Variants in USP8 observed in about 807,000 individuals in gnomAD.
The protein encoded by USP8 is ubiquitin carboxyl-terminal hydrolase 8.
USP8 carries 27 observed loss-of-function variants against 130.0 expected under a neutral mutation model. The ratio of observed to expected loss-of-function variants is 0.21; its 90% CI spans 0.15 to 0.29. The LOEUF is 0.29. Ranked by LOEUF, USP8 falls within the 10% of genes least tolerant of loss-of-function variation. USP8 has a pLI of 1.00. For missense variants in USP8, 1,029 were observed against 1,312.2 expected, an observed-to-expected ratio of 0.78 and a Z score of 3.33; for synonymous variants, 392 against 444.1, an observed-to-expected ratio of 0.88 and a Z score of 1.48.
At chr15:50,496,584 A>AAGAT (rs1283687388) in intron 17 of USP8, among the ~76,000 whole-genome samples, 3 of 152,142 alleles carry the variant, frequency 2.0e-5, no homozygotes, top group African/African-American at 7.2e-5. Flanking sequence ...TTCTTTTTTA[A>AAGAT]AGATACCTTT....
At chr15:50,451,844 G>A (rs2050637820) in intron 4 of USP8, among the ~76,000 whole-genome samples, 1 of 152,234 alleles carries the variant, frequency 6.6e-6, no homozygotes, top group African/African-American at 2.4e-5. Flanking sequence ...GTCTGAGAAT[G>A]GGCATGAGGG....
At position 50,508,408 on chromosome 15, in the gene USP8, G is replaced by A. The variant is rs899373558; in HGVS notation, c.*9320G>A. 6.6e-6 allele frequency: 1 copy of A among 152,152 alleles called. No homozygotes were observed. The highest frequency in any genetic ancestry group is 1.5e-5 in the Non-Finnish European group (1 of 68,028). The allele number at this position is 152,152 out of a possible 1,614,324, so 9.4% of individuals were successfully genotyped here. A position where few individuals can be genotyped will look rare whatever the true frequency, so the allele number is the denominator to read the frequency against. ...TGCTTCAGCAAGCTAGTTGATGGATGCATGGCGGTTTGTTATGCTGTCCAA... is the reference window on the plus strand; with the variant it reads ...TGCTTCAGCAAGCTAGTTGATGGATACATGGCGGTTTGTTATGCTGTCCAA... On this transcript the variant is annotated 3_prime_UTR_variant, in exon 20 of 20. Transcript: ENST00000307179.
At position 50,471,925 on chromosome 15, in the gene USP8, G is replaced by C. The variant is rs1003111156; in HGVS notation, c.849+130G>C. ...GCCTTTTTTTTTTTTTTTTGAGACT[G>C]AGTCTCACTCTGTTGCCCAAGCTAG... is the stretch of plus-strand genomic sequence containing the variant. On this transcript the variant is annotated intron_variant, in intron 8 of 19. Coordinates refer to ENST00000307179, the MANE Select transcript of USP8 (RefSeq NM_005154.5). The C allele has an allele frequency of 1.3e-5, 12 of 954,292 alleles. No individual in the cohort carries two copies. In the African/African-American group the frequency reaches 2.0e-4, roughly 16 times the overall value. The allele number at this position is 954,292 out of a possible 1,614,324, so 59.1% of individuals were successfully genotyped here.
rs2052717144 is a variant in USP8, at chr15:50,510,046, TAATTTAATA to T, written c.*10968_*10976del. 1 of 152,070 alleles carries T rather than the reference TAATTTAATA, an allele frequency of 6.6e-6. No homozygotes were observed. The highest frequency in any genetic ancestry group is 2.4e-5 in the African/African-American group (1 of 41,450). The allele number at this position is 152,070 out of a possible 1,614,324, so 9.4% of individuals were successfully genotyped here. On this transcript the variant is annotated 3_prime_UTR_variant, in exon 20 of 20. Coordinates refer to ENST00000307179, the MANE Select transcript of USP8 (RefSeq NM_005154.5). ...GCTAAATTAAGAATTAATTCAATATTAATTTAATAAATTTAATATTTTATAGCTATAATT... is the reference window on the plus strand; with the variant it reads ...GCTAAATTAAGAATTAATTCAATATTAATTTAATATTTTATAGCTATAATT...
At chr15:50,455,249 T>C (rs1345484280) in intron 4 of USP8, among the ~76,000 whole-genome samples, 1 of 151,084 alleles carries the variant, frequency 6.6e-6, no homozygotes, top group African/African-American at 2.4e-5. Flanking sequence ...TTAGTTTTTT[T>C]GTGTTTTTTT....
chr15:50,500,918 G>T lies in USP8; in HGVS notation c.*1830G>T. ...AACAGAAATGATAGGGCCAAGAGAT[G>T]CTTTTTAAATTGTCCCTTATTCTAA... On this transcript the variant is annotated 3_prime_UTR_variant, in exon 20 of 20. Transcript: ENST00000307179. 1.7e-6 allele frequency: 2 copies of T among 1,179,922 alleles called. No homozygotes were observed. The highest frequency in any genetic ancestry group is 1.3e-5 in the South Asian group (1 of 75,622). The allele number at this position is 1,179,922 out of a possible 1,614,324, so 73.1% of individuals were successfully genotyped here.
At chr15:50,447,672 C>T (rs952542303) in intron 3 of USP8, among the ~76,000 whole-genome samples, 9 of 152,182 alleles carry the variant, frequency 5.9e-5, no homozygotes, top group Non-Finnish European at 1.3e-4. Context: ...AGGTGATTCT[C>T]CTGCCTCAGC....
intron 3 of USP8, among the ~76,000 whole-genome samples, chr15:50,445,568 A>AAAAAAAAAAAAAC (rs1248390470): frequency 8.9e-6 from 1 of 112,788 alleles, no homozygotes; most frequent in Non-Finnish European, 1.8e-5. Context: ...AAAAAAAAAA[A>AAAAAAAAAAAAAC]AGCCTGGGCA....
At chr15:50,448,263 AG>A (rs1283976430) in intron 3 of USP8, among the ~76,000 whole-genome samples, 2 of 152,182 alleles carry the variant, frequency 1.3e-5, no homozygotes, top group Non-Finnish European at 2.9e-5. Flanking sequence ...CTGTGCTAGT[AG>A]GCTCTATTTG....
At position 50,471,702 on chromosome 15, in the gene USP8, T is replaced by C. The variant is rs777087941; in HGVS notation, c.756T>C (p.Asn252=). Residue 252 remains asparagine (N), a synonymous_variant, in exon 8 of 20, where the codon AAT becomes AAC. Transcript: ENST00000307179. ...DSKDTWKKRG[N]VEYVVLLDWF... ...AAGACACATGGAAGAAGAGGGGGAA[T>C]GTGGAGTATGTGGTACTTCTTGACT... is the stretch of plus-strand genomic sequence containing the variant. The C allele has an allele frequency of 9.3e-6, 15 of 1,614,048 alleles. No individual in the cohort carries two copies. Among genetic ancestry groups the C allele is most frequent in the Non-Finnish European group, 8.5e-6 (10 of 1,179,986 alleles).
Position 50,504,097 on chromosome 15 carries a change from TACA to T in USP8, c.*5014_*5016del, listed in dbSNP as rs1248238104. 1 of 152,132 alleles carries T rather than the reference TACA, an allele frequency of 6.6e-6. No homozygotes were observed. Among genetic ancestry groups the T allele is most frequent in the East Asian group, 1.9e-4 (1 of 5,202 alleles). The allele number at this position is 152,132 out of a possible 1,614,324, so 9.4% of individuals were successfully genotyped here. On this transcript the variant is annotated 3_prime_UTR_variant, in exon 20 of 20. Coordinates refer to ENST00000307179, the MANE Select transcript of USP8 (RefSeq NM_005154.5). Reference sequence around the variant, plus strand: ...TGATGGGAAAGATTTGAAAAAATAATACAACAATAAAAATATACATATTTTAAA... The same window carrying T: ...TGATGGGAAAGATTTGAAAAAATAATACAATAAAAATATACATATTTTAAA...
intron 8 of USP8, among the ~76,000 whole-genome samples, chr15:50,472,193 G>A (rs1285570632): frequency 1.3e-5 from 2 of 151,942 alleles, no homozygotes; most frequent in Non-Finnish European, 2.9e-5. Flanking sequence ...GAGCAGCTGC[G>A]CCCAGCCCAT....
At chr15:50,495,164 G>A (rs1370670818) in intron 16 of USP8, among the ~76,000 whole-genome samples, 1 of 150,570 alleles carries the variant, frequency 6.6e-6, no homozygotes, top group East Asian at 1.9e-4. Context: ...CATATTTTGG[G>A]GTCACCATTC....
At position 50,508,331 on chromosome 15, in the gene USP8, G is replaced by C. The variant is rs933681225; in HGVS notation, c.*9243G>C. 10 of 152,180 alleles carry C rather than the reference G, an allele frequency of 6.6e-5. No individual in the cohort carries two copies. Among genetic ancestry groups the C allele is most frequent in the South Asian group, 4.1e-4 (2 of 4,834 alleles). The allele number at this position is 152,180 out of a possible 1,614,324, so 9.4% of individuals were successfully genotyped here. The stretch of plus-strand genomic sequence containing the variant: ...TAAAAATAATACGATGCCAAGAAGA[G>C]AGTGGGTCAGTATTAAGATGAATTG... On this transcript the variant is annotated 3_prime_UTR_variant, in exon 20 of 20. Transcript: ENST00000307179.
chr15:50,511,741 A>T lies in USP8; in HGVS notation c.*12653A>T, dbSNP rs775703158. 10 of 152,304 alleles carry T rather than the reference A, an allele frequency of 6.6e-5. No homozygotes were observed. The highest frequency in any genetic ancestry group is 1.3e-4 in the Non-Finnish European group (9 of 68,066). 9.4% of individuals were successfully genotyped at this position (152,304 alleles called of 1,614,324 possible). A position where few individuals can be genotyped will look rare whatever the true frequency, so the allele number is the denominator to read the frequency against. The stretch of plus-strand genomic sequence containing the variant: ...GCCAGGCACTGTGGCTCACGCCTGT[A>T]ATCCCAGCACCTGGGGGAGCCGAGG... On this transcript the variant is annotated 3_prime_UTR_variant, in exon 20 of 20. Transcript: ENST00000307179.
intron 3 of USP8, among the ~76,000 whole-genome samples, chr15:50,446,848 C>T (rs746692447): frequency 2.0e-5 from 3 of 152,174 alleles, no homozygotes; most frequent in Non-Finnish European, 4.4e-5. Context: ...TCCCTAAAGC[C>T]TTGACCTCCT....
chr15:50,477,391 G>C lies in USP8; in HGVS notation c.1110G>C (p.Glu370Asp). 1.2e-6 allele frequency: 2 copies of C among 1,614,108 alleles called. No individual in the cohort carries two copies. The highest frequency in any genetic ancestry group is 1.7e-6 in the Non-Finnish European group (2 of 1,180,016). ...TAGAATTGATAAGTGGTCAAAATGA[G>C]AGAATGGGACCACTGAATATATCAA... is the stretch of plus-strand genomic sequence containing the variant. ...ENIELISGQNERMGPLNISTP... is the reference protein window; with the variant it reads ...ENIELISGQNDRMGPLNISTP... The change falls in exon 10 of 20, where the codon GAG becomes GAC. Residue 370 changes from glutamate to aspartate, a missense_variant. Glu to Asp is a conservative substitution (Grantham distance 45). This residue lies in a region of USP8 where 486 missense variants were observed against 522.0 expected (regional missense o/e 0.93). Coordinates refer to ENST00000307179, the MANE Select transcript of USP8 (RefSeq NM_005154.5).
intron 10 of USP8, among the ~76,000 whole-genome samples, 192 bp downstream of exon 10, chr15:50,477,691 A>G (rs2051613596): frequency 1.3e-5 from 2 of 152,076 alleles, no homozygotes; most frequent in Non-Finnish European, 2.9e-5. Context: ...TAATACAAAA[A>G]TTAGCTGGGC....
intron 4 of USP8, among the ~76,000 whole-genome samples, chr15:50,450,724 G>C (rs1012198967): frequency 2.0e-5 from 3 of 151,928 alleles, no homozygotes; most frequent in Non-Finnish European, 2.9e-5. Flanking sequence ...GCCTGCCTCG[G>C]CCTCCCAAAG....
Sources: gnomAD v4.1 joint callset for allele counts (sites outside exome capture counted in the v4.1 genomes callset) on GRCh38, gnomAD v4.1.1 for gene constraint, gnomAD v4.1.1 regional missense constraint, MANE v1.5 for transcripts, NCBI Gene and HGNC (gene_info 2026-07-23, HGNC 2026-07-21) for gene names.